Variants in INTS12 observed in about 807,000 individuals in gnomAD.
INTS12 encodes PHD finger protein 22.
A neutral mutation model predicts 41.6 loss-of-function variants in INTS12; 13 were observed. The ratio of observed to expected loss-of-function variants is 0.31; its 90% confidence interval spans 0.20 to 0.50. The LOEUF (loss-of-function observed/expected upper bound fraction) is 0.50. INTS12 is among the 20% of genes least tolerant of loss of function. INTS12 has a pLI of 0.98. For missense variants in INTS12, 432 were observed against 541.6 expected, an observed-to-expected ratio of 0.80 and a Z score of 2.01; for synonymous variants, 199 against 191.4, an observed-to-expected ratio of 1.04 and a Z score of -0.33.
At chr4:105,702,901 T>A (rs1192194664) in intron 2 of INTS12, 7 of 984,544 alleles carry the variant, frequency 7.1e-6, no homozygotes, top group Non-Finnish European at 8.4e-6. Flanking sequence ...CTCCCCCTTT[T>A]CTGTTGCCTT....
At chr4:105,693,229 G>T in intron 5 of INTS12, 70 bp downstream of exon 5, 7 of 1,256,244 alleles carry the variant, frequency 5.6e-6, no homozygotes, top group Non-Finnish European at 7.5e-6. Flanking sequence ...GATTTTGGGG[G>T]TTGAGGAGTG....
intron 2 of INTS12, among the ~76,000 whole-genome samples, chr4:105,702,196 C>T (rs550939506): frequency 1.8e-4 from 25 of 135,226 alleles, no homozygotes; most frequent in Admixed American, 1.2e-3. Context: ...AGTGCAGTGG[C>T]ATGATCTCGG....
chr4:105,702,336 T>C (rs1184177046), intron 2 of INTS12, among the ~76,000 whole-genome samples: 8 of 151,784 alleles, frequency 5.3e-5, no homozygotes, highest in African/African-American at 1.2e-4. Context: ...CGGGGTTTCA[T>C]CATGTTAGCC....
At chr4:105,691,885 A>G in intron 6 of INTS12, 91 bp downstream of exon 6, 2 of 909,404 alleles carry the variant, frequency 2.2e-6, no homozygotes, top group Non-Finnish European at 3.2e-6. Flanking sequence ...TATTTTTTCA[A>G]TATCTTAAAT....
intron 3 of INTS12, among the ~76,000 whole-genome samples, chr4:105,696,315 T>C (rs1731864707): frequency 1.3e-5 from 2 of 152,136 alleles, no homozygotes; most frequent in African/African-American, 4.8e-5. Context: ...TATAGAAAAA[T>C]ATGTCTCCCA....
At chr4:105,700,694 A>G (rs1382008886) in intron 2 of INTS12, among the ~76,000 whole-genome samples, 2 of 126,766 alleles carry the variant, frequency 1.6e-5, no homozygotes, top group Admixed American at 7.9e-5. Flanking sequence ...GGATAATATC[A>G]TATCTACTTA....
Position 105,682,892 on chromosome 4 carries a change from T to C in INTS12, c.1230A>G (p.Ser410=). The change falls in exon 8 of 8, where the codon TCA becomes TCG. Residue 410 remains serine, a synonymous_variant. Coordinates refer to ENST00000340139, the MANE Select transcript of INTS12 (RefSeq NM_020395.4). The part of the protein sequence containing the change: ...QLSGNGNSGT[S]GPSGSTTSKT... ...TGCTGGTAGTACTTCCACTAGGTCC[T>C]GATGTTCCACTATTTCCATTCCCAC... 3 of 1,614,120 alleles carry C rather than the reference T, an allele frequency of 1.9e-6. No homozygotes were observed. The highest frequency in any genetic ancestry group is 2.5e-6 in the Non-Finnish European group (3 of 1,179,966).
intron 1 of INTS12, chr4:105,708,043 T>C (rs1001929905): frequency 1.0e-6 from 1 of 985,328 alleles, no homozygotes; most frequent in Non-Finnish European, 1.2e-6. Flanking sequence ...AAAAACTTTG[T>C]TCTTCATGAC....
chr4:105,690,838 C>T (rs1049883469), intron 6 of INTS12, among the ~76,000 whole-genome samples: 1 of 152,110 alleles, frequency 6.6e-6, no homozygotes, highest in Non-Finnish European at 1.5e-5. Context: ...ATTTCCAATT[C>T]TTAGTGGTTT....
At position 105,708,624 on chromosome 4, in the gene INTS12, T is replaced by G. The variant is rs1287867893; in HGVS notation, c.-172+14A>C. On this transcript the variant is annotated intron_variant, in intron 1 of 7. Coordinates refer to ENST00000340139, the MANE Select transcript of INTS12 (RefSeq NM_020395.4). ...TCCAGGAGGCCAGGAGCAGAGTCGC[T>G]CAGCATAACTCACCGTTCCGCCCCG... 1.0e-6 allele frequency: 1 copy of G among 983,624 alleles called. No individual in the cohort carries two copies. Among genetic ancestry groups the G allele is most frequent in the African/African-American group, 1.8e-5 (1 of 56,740 alleles). The allele number at this position is 983,624 out of a possible 1,614,324, so 60.9% of individuals were successfully genotyped here.
At chr4:105,704,214 G>C (rs1032477550) in intron 1 of INTS12, among the ~76,000 whole-genome samples, 5 of 152,112 alleles carry the variant, frequency 3.3e-5, no homozygotes, top group Non-Finnish European at 7.4e-5. Flanking sequence ...ATGCTCTCAT[G>C]AGTCATTCGC....
intron 6 of INTS12, 99 bp downstream of exon 6, chr4:105,691,877 T>C (rs1388029982): frequency 1.1e-6 from 1 of 875,028 alleles, no homozygotes; most frequent in East Asian, 2.9e-5. Flanking sequence ...ATATTATTTA[T>C]TTTTTCAATA....
chr4:105,708,548 AC>A, intron 1 of INTS12, 89 bp downstream of exon 1: 1 of 984,864 alleles, frequency 1.0e-6, no homozygotes, highest in Non-Finnish European at 1.2e-6. Context: ...GGAAACTAAT[AC>A]CCCACGTAGC....
chr4:105,684,592 AT>A (rs1731439210), intron 7 of INTS12, among the ~76,000 whole-genome samples: 1 of 152,104 alleles, frequency 6.6e-6, no homozygotes, highest in Non-Finnish European at 1.5e-5. Flanking sequence ...GAATCCAGAT[AT>A]TTGTCCACAT....
At chr4:105,686,412 T>A (rs895647849) in intron 7 of INTS12, among the ~76,000 whole-genome samples, 11 of 152,158 alleles carry the variant, frequency 7.2e-5, no homozygotes, top group Non-Finnish European at 1.6e-4. Flanking sequence ...GATTTCTGAT[T>A]GAAGACAAAT....
At chr4:105,687,118 A>T in intron 6 of INTS12, 1 of 355,150 alleles carries the variant, frequency 2.8e-6, no homozygotes, top group Non-Finnish European at 5.2e-6. Context: ...ATTGTTTTTT[A>T]AAGAGCAAAA....
In INTS12 at chr4:105,699,900, C is replaced by CATGA; in HGVS notation, c.105_106insTCAT (p.Asp36SerfsTer2). 6.4e-7 allele frequency: 1 copy of CATGA among 1,556,842 alleles called. No homozygotes were observed. The highest frequency in any genetic ancestry group is 8.8e-7 in the Non-Finnish European group (1 of 1,139,230). On this transcript the variant is annotated frameshift_variant, in exon 3 of 8. Coordinates refer to ENST00000340139, the MANE Select transcript of INTS12 (RefSeq NM_020395.4). LOFTEE classifies it high-confidence loss of function. The stretch of plus-strand genomic sequence containing the variant: ...TCAATGCCCCGAGCCAAAGATTCAT[C>CATGA]AAGCAGTGCTTTTAGCTTTTCAGCA...
intron 7 of INTS12, among the ~76,000 whole-genome samples, chr4:105,683,699 T>G (rs886318837): frequency 3.3e-5 from 5 of 152,104 alleles, no homozygotes; most frequent in African/African-American, 9.7e-5. Context: ...TCCAAATAAC[T>G]AGGGATCATT....
intron 7 of INTS12, 116 bp downstream of exon 7, chr4:105,686,576 C>A: frequency 1.4e-6 from 1 of 702,262 alleles, no homozygotes; most frequent in Non-Finnish European, 2.3e-6. Flanking sequence ...GTCTTAATTT[C>A]TAAAATATAG....
Sources: allele counts gnomAD v4.1 joint callset (sites outside exome capture counted in the v4.1 genomes callset), GRCh38; gene constraint gnomAD v4.1.1; transcripts MANE v1.5; gene names NCBI Gene and HGNC (gene_info 2026-07-23, HGNC 2026-07-21).